The following PHF20 variants were observed in gnomAD, a reference collection of about 807,000 sequenced individuals.
The protein encoded by PHF20 is PHD finger protein 20.
PHF20 carries 23 observed loss-of-function variants against 113.5 expected under a neutral mutation model. The ratio of observed to expected loss-of-function variants is 0.20; its 90% CI spans 0.15 to 0.29. The LOEUF is 0.29. Among genes scored for constraint, PHF20 ranks in the 10% least tolerant of loss-of-function variants. The pLI is 1.00. For missense variants in PHF20, 943 were observed against 1,219.6 expected, an observed-to-expected ratio of 0.77 and a Z score of 3.38; for synonymous variants, 434 against 457.3, an observed-to-expected ratio of 0.95 and a Z score of 0.65.
At chr20:35,864,806 A>C (rs2054285611) in intron 6 of PHF20, among the ~76,000 whole-genome samples, 1 of 152,112 alleles carries the variant, frequency 6.6e-6, no homozygotes, top group Non-Finnish European at 1.5e-5. Flanking sequence ...TGACTACTTG[A>C]AATGTAGCTA....
chr20:35,926,640 T>A (rs1232063055), intron 13 of PHF20, among the ~76,000 whole-genome samples: 1 of 152,166 alleles, frequency 6.6e-6, no homozygotes, highest in Non-Finnish European at 1.5e-5. Flanking sequence ...ATCTGTAAAT[T>A]GAAGAATCTA....
intron 17 of PHF20, among the ~76,000 whole-genome samples, chr20:35,943,708 C>T (rs1464073104): frequency 6.6e-6 from 1 of 152,098 alleles, no homozygotes; most frequent in African/African-American, 2.4e-5. Context: ...ACAACCTCCA[C>T]CTCCTGGCTT....
rs955874458 is a variant in PHF20, at chr20:35,874,759, G to GT, written c.1282+2941dup. ...AACTTAAAAAATTTTTTTTTGAATA[G>GT]TTTTTTTTTTTCTTGGCCAGATGCT... On this transcript the variant is annotated intron_variant, in intron 9 of 17. Coordinates refer to ENST00000374012, the MANE Select transcript of PHF20 (RefSeq NM_016436.5). Among the ~76,000 whole-genome samples, 938 of 147,178 alleles carry GT rather than the reference G, an allele frequency of 6.4e-3. 10 individuals carry two copies. Among genetic ancestry groups the GT allele is most frequent in the African/African-American group, 0.021 (839 of 40,456 alleles).
intron 9 of PHF20, among the ~76,000 whole-genome samples, chr20:35,886,161 CAG>C (rs2054727832): frequency 7.2e-6 from 1 of 139,426 alleles, no homozygotes; most frequent in Non-Finnish European, 1.5e-5. Context: ...TTTTTTGAGA[CAG>C]AGTCTCACTC....
At chr20:35,845,920 C>T (rs749078581) in intron 3 of PHF20, among the ~76,000 whole-genome samples, 8 of 151,524 alleles carry the variant, frequency 5.3e-5, no homozygotes, top group East Asian at 2.0e-4. Context: ...GGACTACAGA[C>T]GCATCCAACC....
intron 1 of PHF20, among the ~76,000 whole-genome samples, chr20:35,799,207 C>T (rs1199181277): frequency 6.7e-6 from 1 of 150,238 alleles, no homozygotes; most frequent in Non-Finnish European, 1.5e-5. Context: ...ATCCTGTAAT[C>T]CCAGCACTTT....
chr20:35,811,582 A>G (rs991250338), intron 2 of PHF20, among the ~76,000 whole-genome samples: 1 of 151,868 alleles, frequency 6.6e-6, no homozygotes, highest in East Asian at 1.9e-4. Flanking sequence ...AGCTCGGATT[A>G]CATGCATGCG....
chr20:35,947,461 C>A, intron 17 of PHF20, 24 bp from the exon 18 acceptor site: 1 of 1,611,192 alleles, frequency 6.2e-7, no homozygotes, highest in South Asian at 1.1e-5. Context: ...TTCACTAGGT[C>A]TCATCTCTCT....
At chr20:35,924,070 A>G (rs2055571903) in intron 13 of PHF20, among the ~76,000 whole-genome samples, 1 of 152,014 alleles carries the variant, frequency 6.6e-6, no homozygotes, top group African/African-American at 2.4e-5. Context: ...AGTTACCATT[A>G]TAACCATTTT....
chr20:35,940,749 G>C, intron 16 of PHF20, 115 bp from the exon 17 acceptor site: 1 of 865,610 alleles, frequency 1.2e-6, no homozygotes, highest in South Asian at 1.6e-5. Context: ...GGGAGGTAGG[G>C]ATTTGGAGTA....
At chr20:35,898,697 G>A (rs1328069275) in intron 9 of PHF20, among the ~76,000 whole-genome samples, 40 of 151,872 alleles carry the variant, frequency 2.6e-4, no homozygotes, top group Admixed American at 6.6e-5. Flanking sequence ...TGCAACCTCC[G>A]CCTCCCGGGT....
intron 2 of PHF20, among the ~76,000 whole-genome samples, chr20:35,820,811 A>G (rs572084606): frequency 7.9e-5 from 12 of 151,978 alleles, no homozygotes; most frequent in African/African-American, 2.7e-4. Flanking sequence ...CTTTTTTTAT[A>G]TAGAGGGTGA....
chr20:35,818,995 ATC>A (rs1271312666), intron 2 of PHF20, among the ~76,000 whole-genome samples: 1 of 151,124 alleles, frequency 6.6e-6, no homozygotes, highest in Admixed American at 6.6e-5. Context: ...CAGTGGCCCT[ATC>A]TCGGTTCACT....
chr20:35,794,807 A>G (rs913245774), intron 1 of PHF20, among the ~76,000 whole-genome samples: 5 of 152,174 alleles, frequency 3.3e-5, no homozygotes, highest in Non-Finnish European at 5.9e-5. Flanking sequence ...GCTGAGGGCA[A>G]GACTTCCAGT....
intron 14 of PHF20, among the ~76,000 whole-genome samples, chr20:35,929,961 T>C (rs2055719980): frequency 6.6e-6 from 1 of 152,262 alleles, no homozygotes; most frequent in African/African-American, 2.4e-5. Flanking sequence ...CCTGGGTGTT[T>C]CAAGGTTTTT....
intron 14 of PHF20, 70 bp downstream of exon 14, chr20:35,927,949 T>G: frequency 9.4e-7 from 1 of 1,068,728 alleles, no homozygotes; most frequent in Non-Finnish European, 1.5e-6. Flanking sequence ...CTGTGACACA[T>G]TCTAAATGTC....
chr20:35,877,518 C>T (rs547605938), intron 9 of PHF20, among the ~76,000 whole-genome samples: 28 of 150,266 alleles, frequency 1.9e-4, no homozygotes, highest in Admixed American at 1.5e-3. Flanking sequence ...GGTGTGATTT[C>T]GGCTCACTGC....
chr20:35,928,032 T>G (rs2147108753), intron 14 of PHF20, among the ~76,000 whole-genome samples, 153 bp downstream of exon 14: 1 of 152,330 alleles, frequency 6.6e-6, no homozygotes, highest in East Asian at 1.9e-4. Context: ...CTATCCTGCC[T>G]TGTGGCCAGC....
chr20:35,821,471 C>T (rs1183146832), intron 2 of PHF20, among the ~76,000 whole-genome samples: 2 of 128,322 alleles, frequency 1.6e-5, no homozygotes, highest in African/African-American at 5.9e-5. Context: ...GGCAATATAG[C>T]AAAACGCTGT....
Sources: allele counts gnomAD v4.1 joint callset (sites outside exome capture counted in the v4.1 genomes callset), GRCh38; gene constraint gnomAD v4.1.1; transcripts MANE v1.5; gene names NCBI Gene and HGNC (gene_info 2026-07-23, HGNC 2026-07-21).